Variants in MAD1L1 observed in about 807,000 individuals in gnomAD.
MAD1L1 encodes the protein mitotic arrest deficient 1 like 1.
Under a neutral mutation model 96.9 loss-of-function variants are expected in MAD1L1, and 95 were observed. The ratio of observed to expected loss-of-function variants is 0.98; its 90% CI spans 0.83 to 1.16. The LOEUF (loss-of-function observed/expected upper bound fraction) is 1.16. Ranked by LOEUF, MAD1L1 falls within the 50% of genes most tolerant of loss-of-function variation. MAD1L1 has a pLI of 0.00. For synonymous variants in MAD1L1, 473 were observed against 396.6 expected, an observed-to-expected ratio of 1.19 and a Z score of -2.29; for missense variants, 1,007 against 954.4, an observed-to-expected ratio of 1.06 and a Z score of -0.73.
intron 11 of MAD1L1, among the ~76,000 whole-genome samples, chr7:2,075,292 C>T (rs920985705): frequency 2.6e-5 from 4 of 152,182 alleles, no homozygotes; most frequent in East Asian, 3.9e-4. Flanking sequence ...CCCACCCAGG[C>T]GTGCAGGTAG....
chr7:1,998,186 C>T (rs1781642437), intron 14 of MAD1L1, among the ~76,000 whole-genome samples: 1 of 152,228 alleles, frequency 6.6e-6, no homozygotes, highest in Admixed American at 6.5e-5. Context: ...GAAGCCAGCA[C>T]TCCAGGGGCG....
At chr7:2,121,400 C>G (rs76584108) in intron 11 of MAD1L1, among the ~76,000 whole-genome samples, 2,999 of 152,292 alleles carry the variant, frequency 0.02, 102 homozygotes, top group African/African-American at 0.068. Flanking sequence ...CACACTCGGT[C>G]CAGCTGGAGC....
chr7:2,195,996 C>G (rs1791966498), intron 10 of MAD1L1, among the ~76,000 whole-genome samples: 1 of 152,250 alleles, frequency 6.6e-6, no homozygotes, highest in South Asian at 2.1e-4. Context: ...TCGGGCTGAT[C>G]AGCTCACAAA....
At chr7:1,848,229 C>T (rs1783748528) in intron 18 of MAD1L1, 1 of 182,140 alleles carries the variant, frequency 5.5e-6, no homozygotes, top group African/African-American at 2.4e-5. Flanking sequence ...AGCAAGCAGC[C>T]CGTGCTGGAA....
intron 17 of MAD1L1, among the ~76,000 whole-genome samples, chr7:1,910,460 CTGT>C (rs1787943383): frequency 6.6e-6 from 1 of 152,232 alleles, no homozygotes; most frequent in African/African-American, 2.4e-5. Context: ...GATGCCAGCA[CTGT>C]TGAGGGGACC....
At chr7:2,197,509 G>A (rs1792054197) in intron 10 of MAD1L1, among the ~76,000 whole-genome samples, 1 of 152,090 alleles carries the variant, frequency 6.6e-6, no homozygotes, top group African/African-American at 2.4e-5. Flanking sequence ...CCGACGCCTG[G>A]TACACACGAC....
intron 17 of MAD1L1, among the ~76,000 whole-genome samples, chr7:1,918,154 T>C (rs900723662): frequency 6.6e-5 from 10 of 151,898 alleles, no homozygotes; most frequent in Non-Finnish European, 1.5e-4. Flanking sequence ...CCTTCCAAAT[T>C]GACAGAATGC....
chr7:1,966,414 G>T (rs1033699139), intron 15 of MAD1L1, among the ~76,000 whole-genome samples: 1 of 152,116 alleles, frequency 6.6e-6, no homozygotes, highest in South Asian at 2.1e-4. Context: ...GAAGTGCGGC[G>T]GAGAGGGGCC....
chr7:2,207,170 G>A (rs1400269466), intron 10 of MAD1L1, among the ~76,000 whole-genome samples: 1 of 151,518 alleles, frequency 6.6e-6, no homozygotes. Flanking sequence ...GGGTCAATTT[G>A]AGCAAACTGC....
At chr7:1,883,570 G>C (rs1201057981) in intron 18 of MAD1L1, among the ~76,000 whole-genome samples, 1 of 152,162 alleles carries the variant, frequency 6.6e-6, no homozygotes, top group Non-Finnish European at 1.5e-5. Context: ...TCAGCACCAG[G>C]GGACGGACAA....
intron 17 of MAD1L1, among the ~76,000 whole-genome samples, chr7:1,899,578 T>C (rs1274755903): frequency 6.6e-6 from 1 of 152,152 alleles, no homozygotes; most frequent in Admixed American, 6.5e-5. Flanking sequence ...GCCATATGGT[T>C]GGAGAGAACA....
chr7:1,893,197 C>T lies in MAD1L1; in HGVS notation c.1998+5003G>A, dbSNP rs980821554. On this transcript the variant is annotated intron_variant, in intron 18 of 18. Coordinates refer to ENST00000265854, the MANE Select transcript of MAD1L1 (RefSeq NM_001013836.2). ...GAGATTTGCCTGCCTTTCCCCCAAA[C>T]GGCAGCCCAGGCAGCCAGCTCCCTC... Among the ~76,000 whole-genome samples, 4 of 152,286 alleles carry T rather than the reference C, an allele frequency of 2.6e-5. No homozygotes were observed. The East Asian group carries it at 7.7e-4, about 29-fold the overall frequency.
chr7:2,081,195 C>A (rs1188114677), intron 11 of MAD1L1, among the ~76,000 whole-genome samples: 1 of 151,676 alleles, frequency 6.6e-6, no homozygotes, highest in Non-Finnish European at 1.5e-5. Flanking sequence ...ACAAGCTGGG[C>A]CGGGGTGGGG....
chr7:1,868,470 G>A (rs1784884390), intron 18 of MAD1L1, among the ~76,000 whole-genome samples: 1 of 136,058 alleles, frequency 7.3e-6, no homozygotes, highest in East Asian at 2.4e-4. Flanking sequence ...CCCCAGCGAG[G>A]CCTCCCACCC....
chr7:2,207,882 T>C (rs999610305), intron 10 of MAD1L1, among the ~76,000 whole-genome samples: 1 of 152,090 alleles, frequency 6.6e-6, no homozygotes, highest in Non-Finnish European at 1.5e-5. Flanking sequence ...CACAGATGTG[T>C]GGGACTGGGC....
chr7:2,006,736 G>T (rs1782049796), intron 13 of MAD1L1, among the ~76,000 whole-genome samples: 1 of 152,048 alleles, frequency 6.6e-6, no homozygotes, highest in Non-Finnish European at 1.5e-5. Context: ...GGACATTGGG[G>T]TCCCGAGAGA....
At chr7:2,008,771 A>AGG (rs5881916) in intron 13 of MAD1L1, among the ~76,000 whole-genome samples, 59 of 123,812 alleles carry the variant, frequency 4.8e-4, no homozygotes, top group African/African-American at 1.5e-3. Context: ...CAGGAAGCTC[A>AGG]GGGGGGGAAG....
At chr7:2,112,023 G>A (rs770823599) in intron 11 of MAD1L1, among the ~76,000 whole-genome samples, 5 of 152,156 alleles carry the variant, frequency 3.3e-5, no homozygotes, top group African/African-American at 1.2e-4. Context: ...ACCAGTGAAC[G>A]AATAAACAAG....
At chr7:2,071,218 A>C (rs774335848) in intron 11 of MAD1L1, among the ~76,000 whole-genome samples, 24 of 152,066 alleles carry the variant, frequency 1.6e-4, no homozygotes, top group Non-Finnish European at 3.2e-4. Flanking sequence ...ACTTAGTAGA[A>C]GTCTTGAAAT....
Sources: allele counts gnomAD v4.1 joint callset (sites outside exome capture counted in the v4.1 genomes callset), GRCh38; gene constraint gnomAD v4.1.1; transcripts MANE v1.5; gene names NCBI Gene and HGNC (gene_info 2026-07-23, HGNC 2026-07-21).